The following HECW2 variants were observed in gnomAD, a reference collection of about 807,000 sequenced individuals.
HECW2 encodes the protein E3 ubiquitin-protein ligase HECW2.
A neutral mutation model predicts 175.2 loss-of-function variants in HECW2; 61 were observed. That is an observed-to-expected ratio of 0.35 (90% confidence interval 0.28 to 0.43). HECW2 has a LOEUF of 0.43. Ranked by LOEUF, HECW2 falls within the 20% of genes least tolerant of loss-of-function variation. The probability of loss-of-function intolerance (pLI) is 1.00; values close to 1 mark genes in which losing one functional copy is unlikely to be tolerated. For synonymous variants in HECW2, 671 were observed against 731.0 expected (o/e 0.92, Z 1.32); for missense variants, 1,524 against 2,000.5 (o/e 0.76, Z 4.54).
At chr2:196,286,865 G>C (rs369445032) in intron 14 of HECW2, among the ~76,000 whole-genome samples, 1 of 152,176 alleles carries the variant, frequency 6.6e-6, no homozygotes, top group Non-Finnish European at 1.5e-5. Flanking sequence ...ATCTTGCTAA[G>C]AGACTTTTGA....
At chr2:196,349,974 CTCACGGGTCACCA>C (rs1324780087) in intron 2 of HECW2, among the ~76,000 whole-genome samples, 1 of 152,186 alleles carries the variant, frequency 6.6e-6, no homozygotes, top group Non-Finnish European at 1.5e-5. Context: ...GTCACAGATC[CTCACGGGTCACCA>C]TCTCTTTTAG....
intron 2 of HECW2, among the ~76,000 whole-genome samples, chr2:196,347,631 G>C (rs528721853): frequency 1.2e-3 from 186 of 152,322 alleles, no homozygotes; most frequent in African/African-American, 3.9e-3. Flanking sequence ...GACAAAAAAT[G>C]GGTCAGAAGC....
chr2:196,393,818 A>T (rs1341388343), intron 2 of HECW2, among the ~76,000 whole-genome samples: 1 of 152,240 alleles, frequency 6.6e-6, no homozygotes, highest in Admixed American at 6.5e-5. Flanking sequence ...TACCCAAAGG[A>T]TGATAAATCA....
chr2:196,278,133 A>ATATATATATATATATCTATATATATATAT (rs1553489735), intron 15 of HECW2, among the ~76,000 whole-genome samples: 1 of 66,552 alleles, frequency 1.5e-5, no homozygotes, highest in South Asian at 6.4e-4. Flanking sequence ...ATAATTAAAA[A>ATATATATATATATATCTATATATATATAT]ATATATATAT....
At chr2:196,505,516 G>T (rs1168526447) in intron 1 of HECW2, among the ~76,000 whole-genome samples, 1 of 151,866 alleles carries the variant, frequency 6.6e-6, no homozygotes, top group African/African-American at 2.4e-5. Context: ...CTCCAGCTTG[G>T]GCAACAGAGT....
Position 196,222,306 on chromosome 2 carries a change from C to A in HECW2, c.4051G>T (p.Glu1351Ter). The A allele has an allele frequency of 6.2e-7, 1 of 1,613,736 alleles. No individual in the cohort carries two copies. Among genetic ancestry groups the A allele is most frequent in the Non-Finnish European group, 8.5e-7 (1 of 1,179,752 alleles). Residue 1351 changes from glutamate to a stop codon, truncating the protein, a stop_gained, in exon 24 of 29, where the codon GAA (glutamate) becomes TAA (stop). Coordinates refer to ENST00000644978, the MANE Select transcript of HECW2 (RefSeq NM_001348768.2). LOFTEE classifies it high-confidence loss of function. The part of the protein sequence containing the change: ...CDLSDLEYLD[E>*]EFHQSLQWMK... ...CACTGCAGGCTCTGATGGAACTCTT[C>A]ATCAAGGTATTCTAGGTCACTCAGG...
At chr2:196,336,041 G>GA (rs1009180074) in intron 3 of HECW2, among the ~76,000 whole-genome samples, 1 of 152,108 alleles carries the variant, frequency 6.6e-6, no homozygotes, top group African/African-American at 2.4e-5. Context: ...AGGTGTCATG[G>GA]AAAAAACAGG....
rs78159629 is a variant in HECW2, at chr2:196,355,979, G to A, written c.293-12215C>T. 3.4e-3 allele frequency among the ~76,000 whole-genome samples: 521 copies of A among 152,236 alleles called. 3 individuals carry two copies. The highest frequency in any genetic ancestry group is 0.011 in the African/African-American group (466 of 41,554). On this transcript the variant is annotated intron_variant, in intron 2 of 28. Transcript: ENST00000644978. ...CCACAGGGAGATTTTGGGAAAAGGC[G>A]TAACACAAAAATGCAAAAGCCCTGA...
chr2:196,498,931 G>A (rs1687485998), intron 1 of HECW2, among the ~76,000 whole-genome samples: 1 of 151,994 alleles, frequency 6.6e-6, no homozygotes. Context: ...CACCCAGACT[G>A]GTAACATGCA....
In HECW2 at chr2:196,195,235, G is replaced by C. The variant is rs1184380350; in HGVS notation, c.*6042C>G. The C allele has an allele frequency of 6.6e-6, 1 of 152,058 alleles. No homozygotes were observed. Among genetic ancestry groups the C allele is most frequent in the Non-Finnish European group, 1.5e-5 (1 of 68,002 alleles). The allele number at this position is 152,058 out of a possible 1,614,324, so 9.4% of individuals were successfully genotyped here. On this transcript the variant is annotated 3_prime_UTR_variant, in exon 29 of 29. Coordinates refer to ENST00000644978, the MANE Select transcript of HECW2 (RefSeq NM_001348768.2). ...AACATCATCCATTCTTTTTTATGAA[G>C]GTGATAGTAACCAGAAGTTGACTGA...
At chr2:196,282,674 A>G (rs1349536704) in intron 14 of HECW2, among the ~76,000 whole-genome samples, 1 of 152,218 alleles carries the variant, frequency 6.6e-6, no homozygotes. Context: ...GTGGAGACCA[A>G]GGTTTTATCA....
At chr2:196,552,367 G>A (rs1689628913) in intron 1 of HECW2, among the ~76,000 whole-genome samples, 1 of 152,068 alleles carries the variant, frequency 6.6e-6, no homozygotes, top group Non-Finnish European at 1.5e-5. Context: ...GTTTTCTCCT[G>A]GAAGCTTTCT....
At chr2:196,493,175 C>G (rs967184795) in intron 1 of HECW2, 2 of 152,190 alleles carry the variant, frequency 1.3e-5, no homozygotes, top group African/African-American at 4.8e-5. Context: ...TCAAGACCAG[C>G]CTGGATAACA....
intron 18 of HECW2, among the ~76,000 whole-genome samples, chr2:196,255,147 A>AT (rs768416431): frequency 0.057 from 5,430 of 95,320 alleles, 622 homozygotes; most frequent in African/African-American, 0.19. Flanking sequence ...TAATTTTTCT[A>AT]TTTTTTTTTT....
At position 196,352,527 on chromosome 2, in the gene HECW2, T is replaced by C. The variant is rs115563114; in HGVS notation, c.293-8763A>G. 5.5e-3 allele frequency among the ~76,000 whole-genome samples: 840 copies of C among 152,276 alleles called. 2 individuals carry two copies. The highest frequency in any genetic ancestry group is 0.037 in the Middle Eastern group (11 of 294). ...GGGCACACTTGTTGAACTCACAATATGTACTATCAAGTTTAAGAGAGATGT... is the reference window on the plus strand; with the variant it reads ...GGGCACACTTGTTGAACTCACAATACGTACTATCAAGTTTAAGAGAGATGT... On this transcript the variant is annotated intron_variant, in intron 2 of 28. Transcript: ENST00000644978.
chr2:196,435,385 A>G (rs2125277070), intron 1 of HECW2, among the ~76,000 whole-genome samples: 1 of 152,368 alleles, frequency 6.6e-6, no homozygotes. Flanking sequence ...TTATTTCTTT[A>G]TAAACTCAGT....
At chr2:196,533,671 T>C (rs1219021322) in intron 1 of HECW2, among the ~76,000 whole-genome samples, 1 of 152,246 alleles carries the variant, frequency 6.6e-6, no homozygotes, top group Non-Finnish European at 1.5e-5. Flanking sequence ...ACAATGTGTT[T>C]AACTAGACAA....
At chr2:196,438,880 A>G (rs1695958887) in intron 1 of HECW2, among the ~76,000 whole-genome samples, 1 of 152,182 alleles carries the variant, frequency 6.6e-6, no homozygotes, top group South Asian at 2.1e-4. Context: ...CTGAAGCTGT[A>G]TAGTCTTCAA....
intron 1 of HECW2, among the ~76,000 whole-genome samples, chr2:196,519,063 T>C (rs1197405126): frequency 1.3e-5 from 2 of 152,238 alleles, no homozygotes; most frequent in African/African-American, 4.8e-5. Flanking sequence ...TTAATACTAA[T>C]AATAGCTAGC....
Sources: allele counts gnomAD v4.1 joint callset (sites outside exome capture counted in the v4.1 genomes callset), GRCh38; gene constraint gnomAD v4.1.1; transcripts MANE v1.5; gene names NCBI Gene and HGNC (gene_info 2026-07-23, HGNC 2026-07-21).